ADARB1: variants seen among roughly 807,000 people sequenced by gnomAD.
The protein encoded by ADARB1 is adenosine deaminase RNA specific B1.
Under a neutral mutation model 52.4 loss-of-function variants are expected in ADARB1, and 10 were observed. That is an observed-to-expected ratio of 0.19 (90% CI 0.12 to 0.32). The LOEUF (loss-of-function observed/expected upper bound fraction) is 0.32. Ranked by LOEUF, ADARB1 falls within the 10% of genes least tolerant of loss-of-function variation. ADARB1 has a pLI of 1.00. For missense variants in ADARB1, 643 were observed against 922.3 expected (o/e 0.70, Z 3.92); for synonymous variants, 349 against 371.1 (o/e 0.94, Z 0.68).
At chr21:45,191,868 ATATATATATATATTTTTTTT>A (rs1239527439) in intron 8 of ADARB1, among the ~76,000 whole-genome samples, 6 of 76,230 alleles carry the variant, frequency 7.9e-5, no homozygotes, top group African/African-American at 3.4e-4. Flanking sequence ...ATATATATAT[ATATATATATATATTTTTTTT>A]TTTTTTTTTT....
chr21:45,115,136 A>G (rs1228942325), intron 1 of ADARB1, among the ~76,000 whole-genome samples: 3 of 152,210 alleles, frequency 2.0e-5, no homozygotes, highest in Non-Finnish European at 4.4e-5. Flanking sequence ...GTGACAAACA[A>G]TATTTGAAAT....
chr21:45,078,648 G>C (rs575208538), intron 1 of ADARB1, among the ~76,000 whole-genome samples: 2 of 152,232 alleles, frequency 1.3e-5, no homozygotes, highest in African/African-American at 4.8e-5. Flanking sequence ...GAGGCTGGGC[G>C]AGTGGTAGGA....
At chr21:45,107,057 T>C (rs1467147274) in intron 1 of ADARB1, among the ~76,000 whole-genome samples, 1 of 152,182 alleles carries the variant, frequency 6.6e-6, no homozygotes, top group East Asian at 1.9e-4. Context: ...AAAATTAATA[T>C]GCAAACGTCA....
At chr21:45,081,406 A>G (rs1165767444) in intron 1 of ADARB1, among the ~76,000 whole-genome samples, 1 of 152,220 alleles carries the variant, frequency 6.6e-6, no homozygotes. Context: ...GCATTCAATA[A>G]ATTGCATGCG....
At chr21:45,144,065 A>G (rs565249936) in intron 2 of ADARB1, among the ~76,000 whole-genome samples, 4 of 152,348 alleles carry the variant, frequency 2.6e-5, no homozygotes, top group African/African-American at 4.8e-5. Flanking sequence ...TGCTCAGTAA[A>G]TAGTTAGATG....
At chr21:45,144,804 A>G (rs1051220050) in intron 2 of ADARB1, 108 of 313,534 alleles carry the variant, frequency 3.4e-4, no homozygotes, top group Admixed American at 3.3e-4. Context: ...ATTTACCACA[A>G]TTAGGATACT....
In ADARB1 at chr21:45,183,391, T is replaced by C; in HGVS notation, c.1277T>C (p.Phe426Ser). The C allele has an allele frequency of 6.2e-7, 1 of 1,602,836 alleles. No individual in the cohort carries two copies. The highest frequency in any genetic ancestry group is 8.5e-7 in the Non-Finnish European group (1 of 1,177,084). ...AAAGATGATCAAAAAAGATCCATCT[T>C]TCAGAAATCAGAGCGAGGGGGGTTT... ...NNKDDQKRSI[F>S]QKSERGGFRL... is the part of the protein sequence containing the mutation. The change falls in exon 7 of 11, where the codon TTT (phenylalanine) becomes TCT (serine). Residue 426 changes from phenylalanine to serine, a missense_variant. This residue lies in a region of ADARB1 where 263 missense variants were observed against 475.8 expected (regional missense o/e 0.55). Transcript: ENST00000348831.
At chr21:45,089,708 C>T (rs2086487411) in intron 1 of ADARB1, among the ~76,000 whole-genome samples, 2 of 152,146 alleles carry the variant, frequency 1.3e-5, no homozygotes, top group African/African-American at 4.8e-5. Flanking sequence ...GAGTAGTCTG[C>T]CCTTTGCCCA....
chr21:45,221,900 GT>G lies in ADARB1; in HGVS notation c.1927-116del. The G allele has an allele frequency of 8.8e-7, 1 of 1,142,328 alleles. No homozygotes were observed. Among genetic ancestry groups the G allele is most frequent in the Non-Finnish European group, 1.2e-6 (1 of 805,176 alleles). The allele number at this position is 1,142,328 out of a possible 1,614,324, so 70.8% of individuals were successfully genotyped here. On this transcript the variant is annotated intron_variant, in intron 10 of 10. Coordinates refer to ENST00000348831, the MANE Select transcript of ADARB1 (RefSeq NM_001112.4). The surrounding 1 kb of genome is among the most constrained non-coding windows in gnomAD (Gnocchi z 4.9). Reference sequence around the variant, plus strand: ...CTTGGCAGAAGGCGCCTTCCTCTGGGTTGCTTTCCCCCCAGAAGCCAATGCA... The same window carrying G: ...CTTGGCAGAAGGCGCCTTCCTCTGGGTGCTTTCCCCCCAGAAGCCAATGCA...
chr21:45,164,218 G>A (rs1027317499), intron 2 of ADARB1, among the ~76,000 whole-genome samples: 2 of 152,146 alleles, frequency 1.3e-5, no homozygotes, highest in Admixed American at 6.5e-5. Flanking sequence ...TTTATTTTTA[G>A]GAAACAACTG....
At chr21:45,124,714 C>T (rs2088449236) in intron 1 of ADARB1, among the ~76,000 whole-genome samples, 1 of 149,948 alleles carries the variant, frequency 6.7e-6, no homozygotes, top group Non-Finnish European at 1.5e-5. Context: ...GTCAGATTTT[C>T]TGTTTCCTCC....
intron 1 of ADARB1, among the ~76,000 whole-genome samples, chr21:45,093,174 A>G (rs2086625593): frequency 6.6e-6 from 1 of 152,138 alleles, no homozygotes; most frequent in South Asian, 2.1e-4. Flanking sequence ...CTGTGCCTGG[A>G]CCTCGCCCCA....
chr21:45,189,766 A>G (rs1016027332), intron 8 of ADARB1, among the ~76,000 whole-genome samples: 1 of 150,048 alleles, frequency 6.7e-6, no homozygotes, highest in South Asian at 2.1e-4. Context: ...CACTTAAAAT[A>G]TATCATTCCA....
rs976404876 is a variant in ADARB1 at position 45,225,399 on chromosome 21, C to T, written c.*3202C>T. The T allele has an allele frequency of 7.8e-7, 1 of 1,286,470 alleles. No homozygotes were observed. Among genetic ancestry groups the T allele is most frequent in the Admixed American group, 3.2e-5 (1 of 31,470 alleles). The allele number at this position is 1,286,470 out of a possible 1,614,324, so 79.7% of individuals were successfully genotyped here. A position where few individuals can be genotyped will look rare whatever the true frequency, so the allele number is the denominator to read the frequency against. ...TTGGAGAATTTTTTGTAATTAAAAGCAATTATTTTAAAATGTGCAAGCCAG... is the reference window on the plus strand; with the variant it reads ...TTGGAGAATTTTTTGTAATTAAAAGTAATTATTTTAAAATGTGCAAGCCAG... On this transcript the variant is annotated 3_prime_UTR_variant, in exon 11 of 11. Transcript: ENST00000348831.
intron 1 of ADARB1, chr21:45,118,443 G>A (rs541758943): frequency 6.6e-6 from 1 of 152,024 alleles, no homozygotes; most frequent in East Asian, 1.9e-4. Context: ...GTTTTTGCAC[G>A]TAATGTTCAA....
At chr21:45,135,589 G>A (rs187126557) in intron 2 of ADARB1, among the ~76,000 whole-genome samples, 1 of 152,346 alleles carries the variant, frequency 6.6e-6, no homozygotes, top group East Asian at 1.9e-4. Flanking sequence ...GATAGACAGA[G>A]TAGCCCCTAA....
intron 3 of ADARB1, among the ~76,000 whole-genome samples, chr21:45,173,656 T>G (rs908692814): frequency 9.3e-5 from 14 of 151,266 alleles, no homozygotes; most frequent in African/African-American, 3.2e-4. Flanking sequence ...AAAGTCAAAA[T>G]GTAAGCAGTA....
intron 9 of ADARB1, among the ~76,000 whole-genome samples, chr21:45,219,265 C>A (rs2092920515): frequency 6.6e-6 from 1 of 152,160 alleles, no homozygotes; most frequent in Non-Finnish European, 1.5e-5. Context: ...GTGGCTCATG[C>A]CTGTAATCCC....
rs2089772846 is a variant in ADARB1 at position 45,142,285 on chromosome 21, CTT to C, written c.-48+13714_-48+13715del. 6.6e-6 allele frequency among the ~76,000 whole-genome samples: 1 copy of C among 152,146 alleles called. No individual in the cohort carries two copies. The highest frequency in any genetic ancestry group is 2.1e-4 in the South Asian group (1 of 4,832). On this transcript the variant is annotated intron_variant, in intron 2 of 10. Coordinates refer to ENST00000348831, the MANE Select transcript of ADARB1 (RefSeq NM_001112.4). This position sits in a 1 kb window ranked among gnomAD's most constrained non-coding sequence, Gnocchi z 4.0. ...GCTATACTCATTTGAGAAGTGTAGA[CTT>C]TGATTTTTAACCCTAAGTTGCATGG...
Sources: gnomAD v4.1 joint callset for allele counts (sites outside exome capture counted in the v4.1 genomes callset) on GRCh38, gnomAD v4.1.1 for gene constraint, gnomAD v4.1.1 regional missense constraint, Gnocchi (gnomAD v3.1) non-coding constraint, MANE v1.5 for transcripts, NCBI Gene and HGNC (gene_info 2026-07-23, HGNC 2026-07-21) for gene names.